Variants in NCL observed in about 807,000 individuals in gnomAD.
NCL encodes nucleolin multifunctional protein.
Under a neutral mutation model 77.7 loss-of-function variants are expected in NCL, and 4 were observed. That is an observed-to-expected ratio of 0.05 (90% CI 0.03 to 0.12). The LOEUF (loss-of-function observed/expected upper bound fraction) is 0.12. NCL is among the 10% of genes least tolerant of loss of function. The probability of loss-of-function intolerance (pLI) is 1.00; values close to 1 mark genes in which losing one functional copy is unlikely to be tolerated. For missense variants in NCL, 763 were observed against 860.9 expected, an observed-to-expected ratio of 0.89 and a Z score of 1.42; for synonymous variants, 344 against 297.8, an observed-to-expected ratio of 1.16 and a Z score of -1.60.
chr2:231,463,002 A>T, intron 2 of NCL, 198 bp downstream of exon 2: 1 of 551,692 alleles, frequency 1.8e-6, no homozygotes, highest in Non-Finnish European at 3.2e-6. Context: ...AAATTCCCAG[A>T]TCTCGTCTTA....
rs1244742947 is a variant in NCL, at chr2:231,461,851, G to A, written c.302C>T (p.Ala101Val). 3 of 1,613,506 alleles carry A rather than the reference G, an allele frequency of 1.9e-6. No homozygotes were observed. The Admixed American group carries it at 5.0e-5, about 27-fold the overall frequency. The part of the protein sequence containing the change: ...ATPAKKTVTP[A>V]KAVTTPGKKG... ...CTTGCCAGGTGTGGTAACTGCTTTGGCTGGTGTAACTGTCTTCTTGGCAGG... is the reference window on the plus strand; with the variant it reads ...CTTGCCAGGTGTGGTAACTGCTTTGACTGGTGTAACTGTCTTCTTGGCAGG... Residue 101 changes from alanine (A) to valine (V), a missense_variant, in exon 3 of 14, where the codon GCC becomes GTC. Ala to Val is a moderately conservative substitution (Grantham distance 64, BLOSUM62 0). Around this residue, in one of 2 missense-constraint regions of NCL, gnomAD observed 590 missense variants for 570.5 expected, o/e 1.03. Coordinates refer to ENST00000322723, the MANE Select transcript of NCL (RefSeq NM_005381.3).
intron 13 of NCL, 42 bp from the exon 14 acceptor site, chr2:231,455,309 A>T (rs1437107508): frequency 6.2e-7 from 1 of 1,613,798 alleles, no homozygotes; most frequent in Admixed American, 1.7e-5. Flanking sequence ...AATGGGTACA[A>T]AGCTCCTCCT....
chr2:231,458,873 A>T, intron 7 of NCL, 128 bp downstream of exon 7: 2 of 1,045,508 alleles, frequency 1.9e-6, no homozygotes, highest in Non-Finnish European at 2.6e-6. Flanking sequence ...TTCCCACATT[A>T]AGAGGAAACC....
At position 231,457,549 on chromosome 2, in the gene NCL, T is replaced by G. The variant is rs897917211; in HGVS notation, c.1447+94A>C. 9 of 1,273,408 alleles carry G rather than the reference T, an allele frequency of 7.1e-6. No homozygotes were observed. The Admixed American group carries it at 2.0e-4, about 29-fold the overall frequency. The allele number at this position is 1,273,408 out of a possible 1,614,324, so 78.9% of individuals were successfully genotyped here. A position where few individuals can be genotyped will look rare whatever the true frequency, so the allele number is the denominator to read the frequency against. On this transcript the variant is annotated intron_variant, in intron 9 of 13. Coordinates refer to ENST00000322723, the MANE Select transcript of NCL (RefSeq NM_005381.3). ...ATCTTCACCTACATTTGAGTAACTT[T>G]GATTAAAAAGTATTTATAAACTTAT...
At chr2:231,463,111 CTTA>C (rs1369185575) in intron 2 of NCL, 86 bp downstream of exon 2, 5 of 954,856 alleles carry the variant, frequency 5.2e-6, no homozygotes, top group Non-Finnish European at 8.0e-6. Flanking sequence ...TGAATAAAAT[CTTA>C]TTTTTGCCAC....
At position 231,457,069 on chromosome 2, in the gene NCL, A is replaced by T; in HGVS notation, c.1503T>A (p.Thr501=). Residue 501 remains threonine, a synonymous_variant, in exon 10 of 14, where the codon ACT becomes ACA. Transcript: ENST00000322723. ...SNLSYSATEE[T]LQEVFEKATF... ...TTGCTTTCTCAAATACTTCCTGAAG[A>T]GTTTCTTCTGTTGCACTGTAGGAGA... is the stretch of plus-strand genomic sequence containing the variant. 6.2e-7 allele frequency: 1 copy of T among 1,614,068 alleles called. No individual in the cohort carries two copies. The highest frequency in any genetic ancestry group is 2.2e-5 in the East Asian group (1 of 44,872).
rs766300858 is a variant in NCL at position 231,455,909 on chromosome 2, TAGAC to T, written c.1832+97_1832+100del. 244 of 1,571,986 alleles carry T rather than the reference TAGAC, an allele frequency of 1.6e-4. No homozygotes were observed. In the South Asian group the frequency reaches 2.0e-3, roughly 13 times the overall value. The stretch of plus-strand genomic sequence containing the variant: ...GTGCGAATCCATAAACTGCCACTGA[TAGAC>T]AGAAAGGAGCTCAATGAGAAGACAC... On this transcript the variant is annotated intron_variant, in intron 12 of 13. Coordinates refer to ENST00000322723, the MANE Select transcript of NCL (RefSeq NM_005381.3).
At chr2:231,463,059 G>C in intron 2 of NCL, 141 bp downstream of exon 2, 1 of 658,292 alleles carries the variant, frequency 1.5e-6, no homozygotes, top group South Asian at 1.9e-5. Context: ...ACATGTCAAT[G>C]AAGAGCTTGT....
Position 231,460,502 on chromosome 2 carries a change from C to CAGG in NCL, c.871_873dup (p.Pro291dup). The CAGG allele has an allele frequency of 1.2e-6, 2 of 1,614,216 alleles. No homozygotes were observed. Among genetic ancestry groups the CAGG allele is most frequent in the East Asian group, 4.5e-5 (2 of 44,896 alleles). On this transcript the variant is annotated inframe_insertion, in exon 5 of 14. Transcript: ENST00000322723. ...CCTTCCACTTTCTGTTTCTTGGCTTCAGGAGCTGCTTTCTGTTTGGCCATT... is the reference window on the plus strand; with the variant it reads ...CCTTCCACTTTCTGTTTCTTGGCTTCAGGAGGAGCTGCTTTCTGTTTGGCCATT...
rs182924005 is a variant in NCL at position 231,454,141 on chromosome 2, G to C, written c.*1050C>G. 3 of 152,176 alleles carry C rather than the reference G, an allele frequency of 2.0e-5. No individual in the cohort carries two copies. Among genetic ancestry groups the C allele is most frequent in the African/African-American group, 4.8e-5 (2 of 41,400 alleles). The allele number at this position is 152,176 out of a possible 1,614,324, so 9.4% of individuals were successfully genotyped here. ...GTGTCCACTGGTCTATCCATCTAGC[G>C]TGAGTTCTATTCCAGAACTGCTTTT... On this transcript the variant is annotated 3_prime_UTR_variant, in exon 14 of 14. Coordinates refer to ENST00000322723, the MANE Select transcript of NCL (RefSeq NM_005381.3).
At position 231,464,379 on chromosome 2, in the gene NCL, A is replaced by C. The variant is rs373130545; in HGVS notation, c.-26T>G. 2 of 1,599,606 alleles carry C rather than the reference A, an allele frequency of 1.3e-6. No individual in the cohort carries two copies. Among genetic ancestry groups the C allele is most frequent in the South Asian group, 2.2e-5 (2 of 88,890 alleles). ...GATGGCGGCGGAGTGTGAAGCGGAC[A>C]AGTGGCGCAGATGAGTCCAGAAGAA... On this transcript the variant is annotated 5_prime_UTR_variant, in exon 1 of 14. Coordinates refer to ENST00000322723, the MANE Select transcript of NCL (RefSeq NM_005381.3).
At chr2:231,456,548 G>A (rs755711515) in intron 11 of NCL, 83 bp downstream of exon 11, 30 of 1,584,454 alleles carry the variant, frequency 1.9e-5, no homozygotes, top group Non-Finnish European at 2.3e-5. Flanking sequence ...AGTAGCAACA[G>A]GAAACACAGA....
rs976036617 is a variant in NCL at position 231,464,477 on chromosome 2, T to G, written c.-124A>C. On this transcript the variant is annotated 5_prime_UTR_variant, in exon 1 of 14. Transcript: ENST00000322723. ...CGTACACCCGAAGGCCAGCGAGAGC[T>G]CGAGACTGAGGCGAAAGACTGAGCC... 1 of 1,368,962 alleles carries G rather than the reference T, an allele frequency of 7.3e-7. No homozygotes were observed. The highest frequency in any genetic ancestry group is 1.0e-6 in the Non-Finnish European group (1 of 983,962). 84.8% of individuals were successfully genotyped at this position (1,368,962 alleles called of 1,614,324 possible). A position where few individuals can be genotyped will look rare whatever the true frequency, so the allele number is the denominator to read the frequency against.
intron 5 of NCL, 49 bp from the exon 6 acceptor site, chr2:231,460,342 T>C: frequency 6.2e-7 from 1 of 1,613,130 alleles, no homozygotes; most frequent in Non-Finnish European, 8.5e-7. Context: ...GGTAAAAAGT[T>C]AGTTTCCAAA....
In NCL at chr2:231,461,682, C is replaced by G. The variant is rs759565954; in HGVS notation, c.471G>C (p.Glu157Asp). Residue 157 changes from glutamate to aspartate, a missense_variant, in exon 3 of 14, where the codon GAG becomes GAC. Physicochemically the swap from Glu to Asp is conservative, Grantham distance 45. Coordinates refer to ENST00000322723, the MANE Select transcript of NCL (RefSeq NM_005381.3). The stretch of plus-strand genomic sequence containing the variant: ...CCTCATCCTCGTCCTCGTCATCCTC[C>G]TCATCCTCCTCACTGTCATCATCCT... ...EEEDDDSEED[E>D]EDDEDEDEDE... 1.8e-5 allele frequency: 29 copies of G among 1,612,354 alleles called. No individual in the cohort carries two copies. Among genetic ancestry groups the G allele is most frequent in the Non-Finnish European group, 2.4e-5 (28 of 1,178,560 alleles).
rs766828166 is a variant in NCL, at chr2:231,456,056, C to A, written c.1786G>T (p.Val596Phe). ...CGGTCAGTAACTATCCTTGCCCGAA[C>A]GGAGCCGTCAAATGACTCCTTTAAT... ...ETLKESFDGSVRARIVTDRET... is the reference protein window; with the variant it reads ...ETLKESFDGSFRARIVTDRET... Residue 596 changes from valine to phenylalanine, a missense_variant, in exon 12 of 14, where the codon GTT becomes TTT. Physicochemically the swap from Val to Phe is conservative, Grantham distance 50. Transcript: ENST00000322723. The A allele has an allele frequency of 6.2e-7, 1 of 1,614,166 alleles. No individual in the cohort carries two copies. Among genetic ancestry groups the A allele is most frequent in the Non-Finnish European group, 8.5e-7 (1 of 1,180,042 alleles).
At chr2:231,459,225 A>C in intron 6 of NCL, 100 bp from the exon 7 acceptor site, 2 of 1,318,658 alleles carry the variant, frequency 1.5e-6, no homozygotes, top group Non-Finnish European at 2.0e-6. Flanking sequence ...AACAAAGATC[A>C]CATTTTAAAA....
At position 231,464,360 on chromosome 2, in the gene NCL, G is replaced by A; in HGVS notation, c.-7C>T. The A allele has an allele frequency of 6.2e-7, 1 of 1,601,716 alleles. No individual in the cohort carries two copies. The highest frequency in any genetic ancestry group is 1.1e-5 in the South Asian group (1 of 89,094). Reference sequence around the variant, plus strand: ...CCTTCGCGAGCTTCACCATGATGGCGGCGGAGTGTGAAGCGGACAAGTGGC... The same window carrying A: ...CCTTCGCGAGCTTCACCATGATGGCAGCGGAGTGTGAAGCGGACAAGTGGC... On this transcript the variant is annotated 5_prime_UTR_variant, in exon 1 of 14. Transcript: ENST00000322723.
chr2:231,457,636 T>A lies in NCL; in HGVS notation c.1447+7A>T. Reference sequence around the variant, plus strand: ...TCTGAAACCTTGTAACAAGCCTAATTTCTTACCACTCCAAGTGCTATTCTT... The same window carrying A: ...TCTGAAACCTTGTAACAAGCCTAATATCTTACCACTCCAAGTGCTATTCTT... On this transcript the variant is annotated splice_region_variant and intron_variant, in intron 9 of 13. Transcript: ENST00000322723. 1.3e-6 allele frequency: 2 copies of A among 1,583,068 alleles called. No homozygotes were observed. The highest frequency in any genetic ancestry group is 1.7e-6 in the Non-Finnish European group (2 of 1,165,900).
Sources: gnomAD v4.1 joint callset for allele counts on GRCh38, gnomAD v4.1.1 for gene constraint, gnomAD v4.1.1 regional missense constraint, MANE v1.5 for transcripts, NCBI Gene and HGNC (gene_info 2026-07-23, HGNC 2026-07-21) for gene names.